AUTS2: variants seen among roughly 807,000 people sequenced by gnomAD.
AUTS2 encodes the protein activator of transcription and developmental regulator AUTS2.
A neutral mutation model predicts 112.4 loss-of-function variants in AUTS2; 17 were observed. That is an observed-to-expected ratio of 0.15 (90% confidence interval 0.10 to 0.23). The LOEUF is 0.23. Among genes scored for constraint, AUTS2 ranks in the 10% least tolerant of loss-of-function variants. AUTS2 has a pLI of 1.00. For synonymous variants in AUTS2, 751 were observed against 702.7 expected (o/e 1.07, Z -1.09); for missense variants, 1,510 against 1,701.6 (o/e 0.89, Z 1.98).
At chr7:69,816,243 C>A (rs1197680323) in intron 1 of AUTS2, among the ~76,000 whole-genome samples, 1 of 152,158 alleles carries the variant, frequency 6.6e-6, no homozygotes, top group African/African-American at 2.4e-5. Flanking sequence ...CTGATGATTT[C>A]TAAAAGGGAA....
At chr7:69,607,958 G>A (rs185209910) in intron 1 of AUTS2, among the ~76,000 whole-genome samples, 5 of 152,106 alleles carry the variant, frequency 3.3e-5, no homozygotes, top group African/African-American at 1.2e-4. Flanking sequence ...TTTTGAGACA[G>A]TGTCTTTCTT....
At chr7:69,854,903 T>C (rs946297844) in intron 1 of AUTS2, among the ~76,000 whole-genome samples, 1 of 152,196 alleles carries the variant, frequency 6.6e-6, no homozygotes, top group African/African-American at 2.4e-5. Flanking sequence ...TTCTAGAGTG[T>C]AGTCCAGAAA....
Position 70,482,167 on chromosome 7 carries a change from G to C in AUTS2, c.690+46386G>C, listed in dbSNP as rs889738364. 2.3e-4 allele frequency among the ~76,000 whole-genome samples: 35 copies of C among 152,190 alleles called. 1 individual carries two copies. Among genetic ancestry groups the C allele is most frequent in the African/African-American group, 8.2e-4 (34 of 41,448 alleles). The stretch of plus-strand genomic sequence containing the variant: ...TCAGGGGTTTAGGAAAAAGTGTTCA[G>C]TAAGACACATCAAGCATTTCTCCTT... On this transcript the variant is annotated intron_variant, in intron 5 of 18. Coordinates refer to ENST00000342771, the MANE Select transcript of AUTS2 (RefSeq NM_015570.4).
chr7:70,685,013 T>G (rs1405378603), intron 5 of AUTS2, among the ~76,000 whole-genome samples: 1 of 152,090 alleles, frequency 6.6e-6, no homozygotes, highest in African/African-American at 2.4e-5. Context: ...CTTTTTTCAG[T>G]CTAGGGTTCA....
intron 1 of AUTS2, among the ~76,000 whole-genome samples, chr7:69,629,790 A>G (rs2129102027): frequency 6.6e-6 from 1 of 150,578 alleles, no homozygotes; most frequent in South Asian, 2.1e-4. Context: ...CAGCTGGCAC[A>G]TAGTTCGGAG....
intron 1 of AUTS2, among the ~76,000 whole-genome samples, chr7:69,743,954 T>C (rs1338716523): frequency 6.6e-6 from 1 of 151,144 alleles, no homozygotes; most frequent in Non-Finnish European, 1.5e-5. Context: ...TGTGCCACCT[T>C]GCTAGGCTAA....
chr7:69,769,238 G>A (rs1308706866), intron 1 of AUTS2, among the ~76,000 whole-genome samples: 7 of 152,270 alleles, frequency 4.6e-5, no homozygotes, highest in Middle Eastern at 3.4e-3. Flanking sequence ...AACAAAGAAC[G>A]TAAATCATAT....
chr7:69,651,616 G>A (rs1208826854), intron 1 of AUTS2, among the ~76,000 whole-genome samples: 1 of 152,202 alleles, frequency 6.6e-6, no homozygotes, highest in Non-Finnish European at 1.5e-5. Flanking sequence ...TTCATCTCAT[G>A]ATAGACTAGC....
chr7:70,463,358 T>C (rs1216306815), intron 5 of AUTS2, among the ~76,000 whole-genome samples: 1 of 152,252 alleles, frequency 6.6e-6, no homozygotes, highest in Non-Finnish European at 1.5e-5. Context: ...CAGATAAGCA[T>C]AGTCTTCCCA....
At chr7:70,738,658 A>T (rs779808703) in intron 6 of AUTS2, among the ~76,000 whole-genome samples, 2 of 152,146 alleles carry the variant, frequency 1.3e-5, no homozygotes, top group Non-Finnish European at 2.9e-5. Context: ...GCATGGCGCA[A>T]GGCTCCTGTG....
chr7:70,738,419 T>TG (rs1318978355), intron 6 of AUTS2, among the ~76,000 whole-genome samples: 2 of 20,376 alleles, frequency 9.8e-5, no homozygotes, highest in African/African-American at 1.1e-3. Context: ...AAGTTTTTTG[T>TG]TTTTTTTTTT....
intron 2 of AUTS2, among the ~76,000 whole-genome samples, chr7:70,019,697 T>C (rs1800189569): frequency 6.6e-6 from 1 of 152,204 alleles, no homozygotes; most frequent in East Asian, 1.9e-4. Flanking sequence ...CATAGAGTTG[T>C]TGAGACAGTT....
intron 5 of AUTS2, among the ~76,000 whole-genome samples, chr7:70,606,394 C>T (rs1803766060): frequency 6.6e-6 from 1 of 152,052 alleles, no homozygotes; most frequent in Non-Finnish European, 1.5e-5. Context: ...TAATGATGAA[C>T]TTGGTTCTTA....
In AUTS2 at chr7:69,673,151, A is replaced by T. The variant is rs541409860; in HGVS notation, c.309+73189A>T. On this transcript the variant is annotated intron_variant, in intron 1 of 18. Coordinates refer to ENST00000342771, the MANE Select transcript of AUTS2 (RefSeq NM_015570.4). ...TTACTAGCCCTAGATACTTAAAAAA[A>T]TTTTTTTTGGAAAGGACTGTGTGTT... Among the ~76,000 whole-genome samples the T allele has an allele frequency of 2.7e-3, 413 of 152,134 alleles. 1 individual carries two copies. Among genetic ancestry groups the T allele is most frequent in the Middle Eastern group, 0.014 (4 of 294 alleles).
At chr7:70,660,305 G>T (rs964093795) in intron 5 of AUTS2, among the ~76,000 whole-genome samples, 1 of 152,204 alleles carries the variant, frequency 6.6e-6, no homozygotes, top group Admixed American at 6.5e-5. Context: ...ATCTCAGTGT[G>T]ATGTCTTTCT....
At chr7:70,006,519 T>A (rs566599665) in intron 2 of AUTS2, among the ~76,000 whole-genome samples, 2 of 152,274 alleles carry the variant, frequency 1.3e-5, no homozygotes, top group Non-Finnish European at 2.9e-5. Flanking sequence ...TGAAAAGCTG[T>A]TTCCTGTCAT....
intron 1 of AUTS2, among the ~76,000 whole-genome samples, chr7:69,892,201 C>G (rs1294139511): frequency 1.2e-4 from 14 of 120,110 alleles, no homozygotes; most frequent in African/African-American, 4.2e-4. Context: ...AAGATGGAAT[C>G]TTGCTCTGTC....
intron 1 of AUTS2, among the ~76,000 whole-genome samples, chr7:69,833,376 C>T (rs1234205903): frequency 1.3e-5 from 2 of 152,156 alleles, no homozygotes; most frequent in Non-Finnish European, 2.9e-5. Flanking sequence ...TTTTAAAAGG[C>T]CAATCGTATC....
intron 5 of AUTS2, among the ~76,000 whole-genome samples, chr7:70,569,169 C>T (rs917859151): frequency 3.3e-5 from 5 of 152,150 alleles, no homozygotes; most frequent in African/African-American, 4.8e-5. Flanking sequence ...TTTTATCACT[C>T]TCTGTGTTTC....
Sources: allele counts gnomAD v4.1 joint callset (sites outside exome capture counted in the v4.1 genomes callset), GRCh38; gene constraint gnomAD v4.1.1; transcripts MANE v1.5; gene names NCBI Gene and HGNC (gene_info 2026-07-23, HGNC 2026-07-21).